ELFN2: variants seen among roughly 807,000 people sequenced by gnomAD.
ELFN2 encodes protein phosphatase 1 regulatory subunit 29.
Under a neutral mutation model 45.5 loss-of-function variants are expected in ELFN2, and 17 were observed. The observed-to-expected ratio is 0.37, with a 90% CI of 0.26 to 0.56. The LOEUF (loss-of-function observed/expected upper bound fraction) is 0.56. ELFN2 is among the 20% of genes least tolerant of loss of function. The pLI is 0.77. For missense variants in ELFN2, 922 were observed against 1,183.2 expected (o/e 0.78, Z 3.24); for synonymous variants, 550 against 551.5 (o/e 1.00, Z 0.04).
rs549799433 is a variant in ELFN2, at chr22:37,397,800, C to T, written c.-463+19969G>A. Among the ~76,000 whole-genome samples, 1,171 of 152,252 alleles carry T rather than the reference C, an allele frequency of 7.7e-3. 14 individuals carry two copies. The highest frequency in any genetic ancestry group is 0.025 in the African/African-American group (1,030 of 41,532). On this transcript the variant is annotated intron_variant, in intron 2 of 2. Transcript: ENST00000402918. ...TCCTAAGCACAAGGAGGGGAACGAG[C>T]TACCGGGCTGGGCATTTTACAGGCG...
intron 2 of ELFN2, among the ~76,000 whole-genome samples, chr22:37,413,865 A>T (rs1932715502): frequency 6.6e-6 from 1 of 152,220 alleles, no homozygotes; most frequent in Non-Finnish European, 1.5e-5. Flanking sequence ...CGGCATCCAG[A>T]GTCAGGTCCA....
intron 2 of ELFN2, among the ~76,000 whole-genome samples, chr22:37,408,439 A>C (rs1932564185): frequency 1.3e-5 from 2 of 152,228 alleles, no homozygotes; most frequent in African/African-American, 4.8e-5. Flanking sequence ...CGGAATTCTC[A>C]CAACAGCCCT....
intron 2 of ELFN2, among the ~76,000 whole-genome samples, chr22:37,393,350 C>T (rs972493560): frequency 1.2e-4 from 18 of 152,240 alleles, no homozygotes; most frequent in African/African-American, 4.3e-4. Flanking sequence ...CGCACCTGGG[C>T]CTGGGCCTGG....
intron 1 of ELFN2, among the ~76,000 whole-genome samples, chr22:37,355,047 G>T (rs1054274078): frequency 6.6e-6 from 1 of 152,178 alleles, no homozygotes; most frequent in East Asian, 1.9e-4. Context: ...GACATCTCTC[G>T]TCGCTGGTTC....
At chr22:37,403,995 T>A (rs751827568) in intron 2 of ELFN2, among the ~76,000 whole-genome samples, 34 of 152,216 alleles carry the variant, frequency 2.2e-4, no homozygotes, top group Non-Finnish European at 3.4e-4. Context: ...TGTCCTGGGG[T>A]CCAGGAAGGC....
intron 2 of ELFN2, among the ~76,000 whole-genome samples, chr22:37,384,650 G>A (rs1390003255): frequency 1.2e-4 from 6 of 51,934 alleles, no homozygotes; most frequent in African/African-American, 8.3e-5. Flanking sequence ...CCCGACCCCT[G>A]GCCTCTCCCC....
chr22:37,425,474 G>A (rs944384286), intron 1 of ELFN2, among the ~76,000 whole-genome samples: 3 of 151,778 alleles, frequency 2.0e-5, no homozygotes, highest in Non-Finnish European at 4.4e-5. Flanking sequence ...TCATATACAA[G>A]AGACATAACC....
intron 2 of ELFN2, among the ~76,000 whole-genome samples, chr22:37,402,844 G>A (rs1372751684): frequency 2.0e-5 from 3 of 152,172 alleles, no homozygotes; most frequent in South Asian, 2.1e-4. Flanking sequence ...CAGCCAACCC[G>A]AGGCATGCCA....
intron 2 of ELFN2, among the ~76,000 whole-genome samples, chr22:37,378,484 T>A (rs1213895109): frequency 6.6e-6 from 1 of 152,180 alleles, no homozygotes; most frequent in African/African-American, 2.4e-5. Context: ...TGGAGGGGCA[T>A]GGGAGAAGAG....
intron 2 of ELFN2, among the ~76,000 whole-genome samples, chr22:37,394,819 G>A (rs778467068): frequency 3.6e-4 from 54 of 152,060 alleles, no homozygotes; most frequent in South Asian, 6.2e-4. Context: ...GATAAAGATC[G>A]TCAGGCCAGG....
chr22:37,395,762 C>T (rs866166178), intron 2 of ELFN2, among the ~76,000 whole-genome samples: 2 of 152,126 alleles, frequency 1.3e-5, no homozygotes, highest in African/African-American at 2.4e-5. Flanking sequence ...GGCTTGGCAC[C>T]GTGGGCTGCA....
chr22:37,412,534 G>T (rs530505146), intron 2 of ELFN2, among the ~76,000 whole-genome samples: 1 of 152,168 alleles, frequency 6.6e-6, no homozygotes, highest in East Asian at 1.9e-4. Context: ...CCCAGGCCAC[G>T]CCTCAGCCCC....
chr22:37,369,256 G>C lies in ELFN2; in HGVS notation c.*3816C>G, dbSNP rs1184352650. 6.6e-6 allele frequency: 1 copy of C among 152,210 alleles called. No individual in the cohort carries two copies. Among genetic ancestry groups the C allele is most frequent in the Admixed American group, 6.5e-5 (1 of 15,284 alleles). The allele number at this position is 152,210 out of a possible 1,614,324, so 9.4% of individuals were successfully genotyped here. A position where few individuals can be genotyped will look rare whatever the true frequency, so the allele number is the denominator to read the frequency against. ...GCGACCAACTTCCAGTTGAGAACATGGGTGACTCTCGGCCAGCCTGATACT... is the reference window on the plus strand; with the variant it reads ...GCGACCAACTTCCAGTTGAGAACATCGGTGACTCTCGGCCAGCCTGATACT... On this transcript the variant is annotated 3_prime_UTR_variant, in exon 3 of 3. Coordinates refer to ENST00000402918, the MANE Select transcript of ELFN2 (RefSeq NM_052906.5).
chr22:37,425,476 G>A (rs1184761918), intron 1 of ELFN2, among the ~76,000 whole-genome samples: 2 of 151,976 alleles, frequency 1.3e-5, no homozygotes, highest in South Asian at 2.1e-4. Context: ...ATATACAAGA[G>A]ACATAACCAC....
intron 2 of ELFN2, among the ~76,000 whole-genome samples, chr22:37,378,861 T>C (rs968743): frequency 0.81 from 122,848 of 152,296 alleles, 50,172 homozygotes; most frequent in African/African-American, 0.95. Flanking sequence ...ACTTGGCCCC[T>C]AGCCCAGCTG....
Position 37,373,991 on chromosome 22 carries a change from GC to G in ELFN2, c.1543del (p.Ala515LeufsTer104). On this transcript the variant is annotated frameshift_variant, in exon 3 of 3. Coordinates refer to ENST00000402918, the MANE Select transcript of ELFN2 (RefSeq NM_052906.5). LOFTEE classifies it high-confidence loss of function. ...VRTGAGGDGL[A>X]RPEDDLPDLE... ...GTCCGGGAGGTCATCCTCGGGCCGAGCCAGACCGTCCCCGCCGGCGCCTGTG... is the reference window on the plus strand; with the variant it reads ...GTCCGGGAGGTCATCCTCGGGCCGAGCAGACCGTCCCCGCCGGCGCCTGTG... 6.2e-7 allele frequency: 1 copy of G among 1,613,032 alleles called. No homozygotes were observed. Among genetic ancestry groups the G allele is most frequent in the Non-Finnish European group, 8.5e-7 (1 of 1,179,982 alleles).
intron 2 of ELFN2, among the ~76,000 whole-genome samples, chr22:37,403,236 A>G (rs1312819903): frequency 6.9e-6 from 1 of 144,242 alleles, no homozygotes; most frequent in Non-Finnish European, 1.5e-5. Context: ...CTGCAGAACA[A>G]AGCTAGGCTC....
At chr22:37,387,987 C>G (rs1931995317) in intron 2 of ELFN2, among the ~76,000 whole-genome samples, 1 of 151,860 alleles carries the variant, frequency 6.6e-6, no homozygotes, top group African/African-American at 2.4e-5. Context: ...TCCCAGTTCC[C>G]AGACACAGTG....
intron 1 of ELFN2, among the ~76,000 whole-genome samples, chr22:37,361,994 A>G (rs1020819231): frequency 1.3e-5 from 2 of 151,972 alleles, no homozygotes; most frequent in African/African-American, 4.8e-5. Flanking sequence ...ACACGCAGCT[A>G]CTCCTTGGTC....
Sources: gnomAD v4.1 joint callset for allele counts (sites outside exome capture counted in the v4.1 genomes callset) on GRCh38, gnomAD v4.1.1 for gene constraint, MANE v1.5 for transcripts, NCBI Gene and HGNC (gene_info 2026-07-23, HGNC 2026-07-21) for gene names.